The following DOCK8 variants were observed in gnomAD, a reference collection of about 807,000 sequenced individuals.
DOCK8 encodes the protein dedicator of cytokinesis protein 8.
Under a neutral mutation model 245.6 loss-of-function variants are expected in DOCK8, and 141 were observed. That is an observed-to-expected ratio of 0.57 (90% CI 0.50 to 0.66). The LOEUF (loss-of-function observed/expected upper bound fraction) is 0.66, where lower values mean the gene tolerates loss of function less well. Among genes scored for constraint, DOCK8 ranks in the 30% least tolerant of loss-of-function variants. DOCK8 has a pLI of 0.00. For synonymous variants in DOCK8, 1,168 were observed against 970.2 expected (o/e 1.20, Z -3.79); for missense variants, 2,965 against 2,603.4 (o/e 1.14, Z -3.02).
chr9:457,487 G>C (rs1397276059), intron 46 of DOCK8, among the ~76,000 whole-genome samples: 1 of 152,204 alleles, frequency 6.6e-6, no homozygotes, highest in East Asian at 1.9e-4. Flanking sequence ...GTGGGAAATA[G>C]AGAATTAATC....
chr9:440,769 T>G (rs998016875), intron 40 of DOCK8, among the ~76,000 whole-genome samples: 1 of 152,108 alleles, frequency 6.6e-6, no homozygotes, highest in Non-Finnish European at 1.5e-5. Flanking sequence ...GGCAGCGTCT[T>G]GCCTTGTCAC....
At chr9:307,329 GT>G (rs1210792510) in intron 5 of DOCK8, among the ~76,000 whole-genome samples, 1 of 75,144 alleles carries the variant, frequency 1.3e-5, no homozygotes, top group Non-Finnish European at 2.5e-5. Flanking sequence ...GTTGTGTGTG[GT>G]TTTTTTTGTT....
chr9:313,989 C>G (rs1437416577), intron 6 of DOCK8, among the ~76,000 whole-genome samples: 1 of 152,130 alleles, frequency 6.6e-6, no homozygotes, highest in Non-Finnish European at 1.5e-5. Flanking sequence ...TCATCATCTC[C>G]TTTCCTCAGA....
intron 1 of DOCK8, among the ~76,000 whole-genome samples, chr9:236,288 T>C (rs977317834): frequency 6.6e-6 from 1 of 152,160 alleles, no homozygotes; most frequent in Non-Finnish European, 1.5e-5. Context: ...CTAACTTTGC[T>C]CCCATTAGGA....
intron 1 of DOCK8, among the ~76,000 whole-genome samples, chr9:227,869 G>C (rs528453761): frequency 2.1e-4 from 32 of 152,226 alleles, no homozygotes; most frequent in African/African-American, 7.7e-4. Context: ...AAAGATAGGA[G>C]GGGGGATTTG....
In DOCK8 at chr9:324,598, G is replaced by T. The variant is rs374003606; in HGVS notation, c.828-1073G>T. Among the ~76,000 whole-genome samples the T allele has an allele frequency of 1.5e-3, 227 of 152,178 alleles. 5 individuals carry two copies. Among genetic ancestry groups the T allele is most frequent in the South Asian group, 9.3e-3 (45 of 4,814 alleles). On this transcript the variant is annotated intron_variant, in intron 7 of 47. Coordinates refer to ENST00000432829, the MANE Select transcript of DOCK8 (RefSeq NM_203447.4). ...GGGCTCATCTTTCTAGCTCTCATGG[G>T]GCCCAGGCACCTCAGTGTTTATCTG...
rs1316970759 is a variant in DOCK8, at chr9:368,484, TC to T, written c.1797+351del. The stretch of plus-strand genomic sequence containing the variant: ...CGTGCGCCATGTTTGCTGAGTGTCT[TC>T]CATGCACAAACTGTACACACTGTGT... On this transcript the variant is annotated intron_variant, in intron 15 of 47. Coordinates refer to ENST00000432829, the MANE Select transcript of DOCK8 (RefSeq NM_203447.4). 3 of 595,060 alleles carry T rather than the reference TC, an allele frequency of 5.0e-6. No homozygotes were observed. The African/African-American group carries it at 5.6e-5, about 11-fold the overall frequency. 36.9% of individuals were successfully genotyped at this position (595,060 alleles called of 1,614,324 possible). A position where few individuals can be genotyped will look rare whatever the true frequency, so the allele number is the denominator to read the frequency against.
At chr9:264,959 C>G (rs539597883) in intron 1 of DOCK8, among the ~76,000 whole-genome samples, 3 of 152,158 alleles carry the variant, frequency 2.0e-5, no homozygotes, top group Admixed American at 2.0e-4. Context: ...GAGACAAAGT[C>G]TCGCTCTTGT....
intron 7 of DOCK8, among the ~76,000 whole-genome samples, chr9:318,412 T>C (rs2050442031): frequency 6.6e-6 from 1 of 152,224 alleles, no homozygotes; most frequent in African/African-American, 2.4e-5. Context: ...CCCTGGGATT[T>C]TGAGTTCTTC....
At chr9:421,356 T>G (rs1314658234) in intron 32 of DOCK8, among the ~76,000 whole-genome samples, 1 of 152,220 alleles carries the variant, frequency 6.6e-6, no homozygotes, top group Admixed American at 6.5e-5. Context: ...TCTAAGAATG[T>G]CAGTCATGGA....
At position 214,929 on chromosome 9, in the gene DOCK8, G is replaced by A. The variant is rs2046703624; in HGVS notation, c.-48G>A. ...CTACTCTGCGGCGCGCCAGGCCCCCGCTTTCCGCACCCCGCGACCCTAGAA... is the reference window on the plus strand; with the variant it reads ...CTACTCTGCGGCGCGCCAGGCCCCCACTTTCCGCACCCCGCGACCCTAGAA... On this transcript the variant is annotated 5_prime_UTR_variant, in exon 1 of 48. Coordinates refer to ENST00000432829, the MANE Select transcript of DOCK8 (RefSeq NM_203447.4). 4 of 1,604,710 alleles carry A rather than the reference G, an allele frequency of 2.5e-6. No individual in the cohort carries two copies. Among genetic ancestry groups the A allele is most frequent in the Non-Finnish European group, 3.4e-6 (4 of 1,177,322 alleles).
intron 15 of DOCK8, 118 bp downstream of exon 15, chr9:368,253 C>T (rs745354921): frequency 3.4e-6 from 3 of 881,334 alleles, no homozygotes; most frequent in African/African-American, 1.6e-5. Context: ...CAATACTGCT[C>T]AGCATGTGCA....
intron 2 of DOCK8, among the ~76,000 whole-genome samples, chr9:275,205 T>G (rs17720746): frequency 0.014 from 2,123 of 149,012 alleles, 25 homozygotes; most frequent in South Asian, 0.023. Context: ...TTGGCTAGTA[T>G]TGCTCTCTTA....
At chr9:220,230 A>G (rs949295064) in intron 1 of DOCK8, among the ~76,000 whole-genome samples, 1 of 152,174 alleles carries the variant, frequency 6.6e-6, no homozygotes, top group Admixed American at 6.5e-5. Flanking sequence ...GATTCTTGGA[A>G]AAGGTCCATT....
intron 23 of DOCK8, among the ~76,000 whole-genome samples, chr9:389,376 G>A (rs1328804522): frequency 6.6e-6 from 1 of 152,166 alleles, no homozygotes; most frequent in South Asian, 2.1e-4. Context: ...GTGGAGCTGG[G>A]GGACTTTCCA....
intron 7 of DOCK8, among the ~76,000 whole-genome samples, chr9:319,873 A>G (rs539784469): frequency 3.9e-4 from 59 of 152,352 alleles, no homozygotes; most frequent in African/African-American, 1.4e-3. Context: ...ATCTTATGAA[A>G]AGTAATCTCA....
chr9:225,611 C>T (rs905361828), intron 1 of DOCK8, among the ~76,000 whole-genome samples: 1 of 152,108 alleles, frequency 6.6e-6, no homozygotes, highest in African/African-American at 2.4e-5. Flanking sequence ...ATGTGCCTAG[C>T]ACTATTCTAA....
At chr9:365,276 G>C (rs755989906) in intron 14 of DOCK8, among the ~76,000 whole-genome samples, 2 of 152,346 alleles carry the variant, frequency 1.3e-5, no homozygotes, top group East Asian at 3.9e-4. Context: ...TGAGAATGAG[G>C]ATGGTTCAGA....
At chr9:352,844 G>A (rs1489198584) in intron 14 of DOCK8, among the ~76,000 whole-genome samples, 1 of 152,118 alleles carries the variant, frequency 6.6e-6, no homozygotes, top group Non-Finnish European at 1.5e-5. Context: ...TCCCCTTGTG[G>A]ACTTGTCACA....
Sources: allele counts gnomAD v4.1 joint callset (sites outside exome capture counted in the v4.1 genomes callset), GRCh38; gene constraint gnomAD v4.1.1; transcripts MANE v1.5; gene names NCBI Gene and HGNC (gene_info 2026-07-23, HGNC 2026-07-21).